The following EXOC6B variants were observed in gnomAD, a reference collection of about 807,000 sequenced individuals.
The protein encoded by EXOC6B is SEC15 homolog B.
Under a neutral mutation model 113.5 loss-of-function variants are expected in EXOC6B, and 54 were observed. The ratio of observed to expected loss-of-function variants is 0.48; its 90% CI spans 0.38 to 0.60. The LOEUF is 0.60. Ranked by LOEUF, EXOC6B falls within the 20% of genes least tolerant of loss-of-function variation. EXOC6B has a pLI of 0.00. For missense variants in EXOC6B, 797 were observed against 977.5 expected (o/e 0.82, Z 2.46); for synonymous variants, 357 against 339.0 (o/e 1.05, Z -0.58).
At chr2:72,759,854 C>G (rs1257582821) in intron 1 of EXOC6B, among the ~76,000 whole-genome samples, 3 of 152,116 alleles carry the variant, frequency 2.0e-5, no homozygotes, top group Non-Finnish European at 4.4e-5. Flanking sequence ...AATATTCAGC[C>G]CCCTAACTGT....
At chr2:72,508,163 CAAAAAAAAAA>C (rs67586747) in intron 11 of EXOC6B, among the ~76,000 whole-genome samples, 1 of 57,550 alleles carries the variant, frequency 1.7e-5, no homozygotes, top group African/African-American at 1.3e-4. Flanking sequence ...ATATTACCCG[CAAAAAAAAAA>C]AAAAAAAAAA....
intron 20 of EXOC6B, among the ~76,000 whole-genome samples, chr2:72,224,817 T>TGTGTGC (rs575706061): frequency 0.014 from 2,125 of 146,610 alleles, 28 homozygotes; most frequent in Non-Finnish European, 0.018. Flanking sequence ...TGTGTGTGTG[T>TGTGTGC]GTGCGTGTGT....
chr2:72,613,212 TAAAAC>T (rs1671183168), intron 6 of EXOC6B, among the ~76,000 whole-genome samples: 1 of 152,138 alleles, frequency 6.6e-6, no homozygotes, highest in Admixed American at 6.5e-5. Flanking sequence ...AAAAAAGTAA[TAAAAC>T]AAGATCTTGT....
intron 18 of EXOC6B, among the ~76,000 whole-genome samples, chr2:72,397,206 G>C (rs1183553195): frequency 6.6e-6 from 1 of 152,012 alleles, no homozygotes; most frequent in Admixed American, 6.6e-5. Flanking sequence ...TAATTGTGAT[G>C]GTTAGAATTT....
chr2:72,565,037 C>G (rs1156975737), intron 7 of EXOC6B, among the ~76,000 whole-genome samples: 1 of 152,164 alleles, frequency 6.6e-6, no homozygotes, highest in Non-Finnish European at 1.5e-5. Context: ...GATAGTCCCT[C>G]AAGAATTCTC....
chr2:72,382,464 G>A (rs572156214), intron 18 of EXOC6B, among the ~76,000 whole-genome samples: 25 of 152,246 alleles, frequency 1.6e-4, no homozygotes, highest in African/African-American at 6.0e-4. Context: ...GTCAGGTAAC[G>A]TGATGTCTCC....
At chr2:72,626,745 A>C (rs1672075561) in intron 6 of EXOC6B, among the ~76,000 whole-genome samples, 1 of 152,194 alleles carries the variant, frequency 6.6e-6, no homozygotes, top group Admixed American at 6.5e-5. Flanking sequence ...AACACTGCCA[A>C]GTATGAGAAG....
intron 6 of EXOC6B, among the ~76,000 whole-genome samples, chr2:72,623,613 A>C (rs1671875570): frequency 6.6e-6 from 1 of 151,872 alleles, no homozygotes; most frequent in Non-Finnish European, 1.5e-5. Context: ...CTACCCCCCA[A>C]CTCCACAGAT....
At chr2:72,546,603 A>G (rs767412872) in intron 8 of EXOC6B, among the ~76,000 whole-genome samples, 1 of 152,214 alleles carries the variant, frequency 6.6e-6, no homozygotes, top group Non-Finnish European at 1.5e-5. Flanking sequence ...GAGATCAATT[A>G]ATAACACTTC....
At chr2:72,526,543 C>T (rs1432826030) in intron 8 of EXOC6B, among the ~76,000 whole-genome samples, 1 of 151,904 alleles carries the variant, frequency 6.6e-6, no homozygotes, top group Non-Finnish European at 1.5e-5. Flanking sequence ...CATACACACA[C>T]AAAAATAGCC....
chr2:72,586,892 T>C (rs370440048), intron 6 of EXOC6B, among the ~76,000 whole-genome samples: 216 of 151,782 alleles, frequency 1.4e-3, no homozygotes, highest in African/African-American at 5.0e-3. Flanking sequence ...GAATGGCTAC[T>C]ATTAAAAAGT....
chr2:72,455,570 A>G (rs912835979), intron 18 of EXOC6B, among the ~76,000 whole-genome samples: 41 of 152,144 alleles, frequency 2.7e-4, no homozygotes, highest in Admixed American at 2.7e-3. Context: ...GGCAGTTTAC[A>G]CCCCAGATTC....
intron 1 of EXOC6B, among the ~76,000 whole-genome samples, chr2:72,804,237 C>T (rs1224686990): frequency 6.6e-6 from 1 of 152,204 alleles, no homozygotes; most frequent in East Asian, 1.9e-4. Flanking sequence ...TCATTCTCTT[C>T]ATATGCTTCT....
chr2:72,368,394 T>G (rs1690771116), intron 19 of EXOC6B, among the ~76,000 whole-genome samples: 1 of 152,104 alleles, frequency 6.6e-6, no homozygotes, highest in South Asian at 2.1e-4. Flanking sequence ...CCAAAAAAAG[T>G]CCAGGACCAG....
At chr2:72,182,946 A>G in intron 21 of EXOC6B, 1 of 1,221,500 alleles carries the variant, frequency 8.2e-7, no homozygotes, top group Non-Finnish European at 1.0e-6. Flanking sequence ...CATGGGAAAC[A>G]AAGTTAAAAT....
chr2:72,733,760 G>A (rs1680783584), intron 2 of EXOC6B, among the ~76,000 whole-genome samples: 1 of 152,020 alleles, frequency 6.6e-6, no homozygotes, highest in African/African-American at 2.4e-5. Context: ...TTTCAATGAT[G>A]GAAAAAATTA....
intron 11 of EXOC6B, 85 bp downstream of exon 11, chr2:72,513,046 TA>T (rs1701028111): frequency 3.3e-5 from 49 of 1,469,666 alleles, no homozygotes; most frequent in Admixed American, 1.4e-4. Context: ...TCCAAAGACA[TA>T]CATATGTTGA....
intron 6 of EXOC6B, among the ~76,000 whole-genome samples, chr2:72,625,958 C>A (rs1442407147): frequency 6.6e-6 from 1 of 152,108 alleles, no homozygotes; most frequent in Non-Finnish European, 1.5e-5. Context: ...GGCTATCCTT[C>A]GAAGTTCCTA....
chr2:72,796,688 A>G (rs752286933), intron 1 of EXOC6B, among the ~76,000 whole-genome samples: 1 of 144,092 alleles, frequency 6.9e-6, no homozygotes, highest in African/African-American at 2.6e-5. Context: ...ATCCTAATTT[A>G]AAAAAAAAAA....
Sources: allele counts gnomAD v4.1 joint callset (sites outside exome capture counted in the v4.1 genomes callset), GRCh38; gene constraint gnomAD v4.1.1; transcripts MANE v1.5; gene names NCBI Gene and HGNC (gene_info 2026-07-23, HGNC 2026-07-21).